The following BNC2 variants were observed in gnomAD, a reference collection of about 807,000 sequenced individuals.
BNC2 encodes the protein zinc finger protein basonuclin-2.
BNC2 carries 20 observed loss-of-function variants against 76.3 expected under a neutral mutation model. The ratio of observed to expected loss-of-function variants is 0.26; its 90% CI spans 0.18 to 0.38. The LOEUF is 0.38. Ranked by LOEUF, BNC2 falls within the 10% of genes least tolerant of loss-of-function variation. The pLI, the probability that BNC2 is intolerant of heterozygous loss-of-function variation, is 1.00. For missense variants in BNC2, 1,382 were observed against 1,399.8 expected (o/e 0.99, Z 0.20); for synonymous variants, 582 against 514.8 (o/e 1.13, Z -1.77).
At chr9:16,636,543 T>TCCTCCTA (rs1821332967) in intron 3 of BNC2, among the ~76,000 whole-genome samples, 1 of 152,130 alleles carries the variant, frequency 6.6e-6, no homozygotes. Context: ...GCTCATGCGA[T>TCCTCCTA]CCTCCTACCT....
chr9:16,452,233 G>A (rs565346865), intron 5 of BNC2, among the ~76,000 whole-genome samples: 4 of 152,232 alleles, frequency 2.6e-5, no homozygotes, highest in Admixed American at 2.6e-4. Flanking sequence ...CTTAGAAAAT[G>A]CTTTTGGGAA....
Position 16,573,214 on chromosome 9 carries a change from C to T in BNC2, c.433+9769G>A, listed in dbSNP as rs572436288. Among the ~76,000 whole-genome samples, 10 of 128,162 alleles carry T rather than the reference C, an allele frequency of 7.8e-5. No homozygotes were observed. In the East Asian group the frequency reaches 2.1e-3, roughly 26 times the overall value. The allele number at this position is 128,162 out of a possible 152,430, so 84.1% of individuals were successfully genotyped here. ...TTGCATCTGGGTGACAGAGCAAGACCCTGTCTCAAAAAAAAAAAAAAAACA... is the reference window on the plus strand; with the variant it reads ...TTGCATCTGGGTGACAGAGCAAGACTCTGTCTCAAAAAAAAAAAAAAAACA... On this transcript the variant is annotated intron_variant, in intron 4 of 6. Coordinates refer to ENST00000380672, the MANE Select transcript of BNC2 (RefSeq NM_017637.6).
intron 1 of BNC2, among the ~76,000 whole-genome samples, chr9:16,818,220 C>T (rs1416075404): frequency 6.6e-6 from 1 of 152,078 alleles, no homozygotes; most frequent in Non-Finnish European, 1.5e-5. Context: ...CTGGGTAACA[C>T]GGTGAAACCC....
chr9:16,442,402 T>C (rs1352841444), intron 5 of BNC2, among the ~76,000 whole-genome samples: 2 of 152,250 alleles, frequency 1.3e-5, no homozygotes, highest in Admixed American at 6.5e-5. Context: ...TGTTCCTGTA[T>C]GGCTCTGCCA....
chr9:16,694,718 T>C lies in BNC2; in HGVS notation c.330+33079A>G, dbSNP rs1008469742. ...GAAGAAAGGAAATGAGAAAGCAGAT[T>C]CAGTCCTGCTGTTCCATACAGGAAA... On this transcript the variant is annotated intron_variant, in intron 3 of 6. Coordinates refer to ENST00000380672, the MANE Select transcript of BNC2 (RefSeq NM_017637.6). Among the ~76,000 whole-genome samples the C allele has an allele frequency of 3.3e-5, 5 of 152,190 alleles. No homozygotes were observed. The South Asian group carries it at 1.0e-3, about 32-fold the overall frequency.
At chr9:16,662,066 A>T (rs1279621490) in intron 3 of BNC2, among the ~76,000 whole-genome samples, 2 of 152,194 alleles carry the variant, frequency 1.3e-5, no homozygotes, top group Non-Finnish European at 2.9e-5. Flanking sequence ...CTTAAAAGTG[A>T]TACCAGTTTG....
intron 3 of BNC2, among the ~76,000 whole-genome samples, chr9:16,596,364 C>T (rs1048566612): frequency 2.6e-5 from 4 of 152,068 alleles, no homozygotes; most frequent in African/African-American, 7.2e-5. Flanking sequence ...TGTACAAATA[C>T]AAACCACTAA....
At chr9:16,719,074 C>A (rs1435778027) in intron 3 of BNC2, among the ~76,000 whole-genome samples, 3 of 152,170 alleles carry the variant, frequency 2.0e-5, no homozygotes, top group African/African-American at 7.2e-5. Context: ...GCAGCTAACT[C>A]GCTGACTCCA....
At chr9:16,698,906 T>C (rs1823425043) in intron 3 of BNC2, among the ~76,000 whole-genome samples, 1 of 152,206 alleles carries the variant, frequency 6.6e-6, no homozygotes. Flanking sequence ...CAGTTTTCTC[T>C]CTTTGAGGTT....
chr9:16,732,372 A>G (rs891651718), intron 2 of BNC2, among the ~76,000 whole-genome samples: 2 of 152,162 alleles, frequency 1.3e-5, no homozygotes, highest in Admixed American at 6.5e-5. Context: ...TAAGTTATGT[A>G]ACTGCAGGCA....
intron 3 of BNC2, among the ~76,000 whole-genome samples, chr9:16,642,317 C>T (rs910459400): frequency 6.6e-6 from 1 of 152,164 alleles, no homozygotes; most frequent in South Asian, 2.1e-4. Flanking sequence ...CTATTTTAGG[C>T]AATACTGCAA....
chr9:16,537,853 C>G (rs112545654), intron 5 of BNC2, among the ~76,000 whole-genome samples: 1 of 152,166 alleles, frequency 6.6e-6, no homozygotes, highest in Non-Finnish European at 1.5e-5. Context: ...ATAAATCATA[C>G]GTGAAAACCC....
chr9:16,642,777 C>CA (rs1821524738), intron 3 of BNC2, among the ~76,000 whole-genome samples: 1 of 152,244 alleles, frequency 6.6e-6, no homozygotes, highest in Admixed American at 6.5e-5. Context: ...ATAGTCTACA[C>CA]AAAACTTTGT....
chr9:16,663,154 G>T (rs1319822703), intron 3 of BNC2, among the ~76,000 whole-genome samples: 1 of 49,328 alleles, frequency 2.0e-5, no homozygotes, highest in Non-Finnish European at 8.4e-5. Context: ...TTTGGAGACG[G>T]AGTCTTGCCC....
intron 3 of BNC2, among the ~76,000 whole-genome samples, chr9:16,663,121 CTGTTTACTCT>C (rs1822158977): frequency 1.3e-5 from 1 of 75,606 alleles, no homozygotes; most frequent in African/African-American, 4.3e-5. Flanking sequence ...GCACTCCACT[CTGTTTACTCT>C]TTTTTTTTTT....
chr9:16,425,236 A>C (rs1253886345), intron 6 of BNC2, among the ~76,000 whole-genome samples: 3 of 152,236 alleles, frequency 2.0e-5, no homozygotes, highest in Non-Finnish European at 2.9e-5. Context: ...TCACTTGAAG[A>C]TAAGCTCCTA....
At chr9:16,474,908 T>C (rs780013206) in intron 5 of BNC2, among the ~76,000 whole-genome samples, 1 of 151,602 alleles carries the variant, frequency 6.6e-6, no homozygotes, top group Non-Finnish European at 1.5e-5. Context: ...GTACTGAAAA[T>C]GGCATTAAAG....
intron 1 of BNC2, among the ~76,000 whole-genome samples, chr9:16,770,039 G>C (rs1825793934): frequency 6.6e-6 from 1 of 152,094 alleles, no homozygotes; most frequent in Admixed American, 6.5e-5. Flanking sequence ...TGAATTACTT[G>C]ACCCAAAATG....
chr9:16,720,088 C>A (rs564779627), intron 3 of BNC2, among the ~76,000 whole-genome samples: 2 of 152,338 alleles, frequency 1.3e-5, no homozygotes, highest in African/African-American at 4.8e-5. Context: ...GCCAGGGCCC[C>A]TGGTTACACG....
Sources: gnomAD v4.1 joint callset for allele counts (sites outside exome capture counted in the v4.1 genomes callset) on GRCh38, gnomAD v4.1.1 for gene constraint, MANE v1.5 for transcripts, NCBI Gene and HGNC (gene_info 2026-07-23, HGNC 2026-07-21) for gene names.